COL5A2: variants seen among roughly 807,000 people sequenced by gnomAD.
COL5A2 encodes the protein collagen type V alpha 2 chain, also known as collagen alpha-2(V) chain.
In COL5A2, 23 loss-of-function variants were observed where a neutral mutation model predicts 208.2. The ratio of observed to expected loss-of-function variants is 0.11; its 90% CI spans 0.08 to 0.16. COL5A2 has a LOEUF of 0.16. Among genes scored for constraint, COL5A2 ranks in the 10% least tolerant of loss-of-function variants. COL5A2 has a pLI of 1.00. For synonymous variants in COL5A2, 625 were observed against 628.5 expected (o/e 0.99, Z 0.08); for missense variants, 1,590 against 1,956.4 (o/e 0.81, Z 3.53).
At chr2:189,435,268 A>G in the COL5A2 span, among the ~76,000 whole-genome samples, 3 of 152,230 alleles carry the variant, frequency 2.0e-5, no homozygotes, top group African/African-American at 7.2e-5. Flanking sequence ...AGGCATGGGC[A>G]AGGACTTCAT....
At chr2:189,364,420 C>T in the COL5A2 span, among the ~76,000 whole-genome samples, 2 of 152,154 alleles carry the variant, frequency 1.3e-5, no homozygotes, top group Admixed American at 6.6e-5. Flanking sequence ...GGCCCGGTGG[C>T]TCACGCCTCT....
At chr2:189,078,711 A>G (rs1686468309) in intron 15 of COL5A2, 142 bp from the exon 16 acceptor site, 1 of 801,396 alleles carries the variant, frequency 1.2e-6, no homozygotes, top group Non-Finnish European at 2.3e-6. Context: ...TTGGGTTTGA[A>G]AAACTATCCC....
upstream of COL5A2, among the ~76,000 whole-genome samples, chr2:189,184,620 G>A (rs185729150): frequency 1.8e-4 from 28 of 152,180 alleles, no homozygotes; most frequent in Non-Finnish European, 4.1e-4. Context: ...ACATGTCTTC[G>A]TTGTCACATT....
chr2:189,135,669 C>A (rs1159594512), intron 1 of COL5A2, among the ~76,000 whole-genome samples: 1 of 152,072 alleles, frequency 6.6e-6, no homozygotes, highest in Non-Finnish European at 1.5e-5. Flanking sequence ...TGAAAAAGAA[C>A]ACATATTTTA....
At chr2:189,274,650 A>G in the COL5A2 span, among the ~76,000 whole-genome samples, 1 of 152,156 alleles carries the variant, frequency 6.6e-6, no homozygotes, top group Non-Finnish European at 1.5e-5. Context: ...ATAAGCAAAT[A>G]ATTTTCTTGA....
At chr2:189,312,374 C>G in the COL5A2 span, among the ~76,000 whole-genome samples, 1 of 152,134 alleles carries the variant, frequency 6.6e-6, no homozygotes, top group Non-Finnish European at 1.5e-5. Context: ...CCACGCCGCC[C>G]CAGAAGCTGG....
chr2:189,258,808 A>ATGG, the COL5A2 span, among the ~76,000 whole-genome samples: 1 of 152,186 alleles, frequency 6.6e-6, no homozygotes, highest in African/African-American at 2.4e-5. Context: ...TGAGAAGAAC[A>ATGG]TGGGGCCAGG....
At chr2:189,374,454 A>G in the COL5A2 span, among the ~76,000 whole-genome samples, 1 of 152,116 alleles carries the variant, frequency 6.6e-6, no homozygotes, top group Non-Finnish European at 1.5e-5. Context: ...TTCACTTATC[A>G]TACTTAAAGA....
chr2:189,199,514 CA>C (rs1689045645), intron 1 of COL5A2, among the ~76,000 whole-genome samples: 1 of 152,124 alleles, frequency 6.6e-6, no homozygotes, highest in South Asian at 2.1e-4. Context: ...TGGTCACACC[CA>C]CTACAAGCAA....
intron 3 of COL5A2, among the ~76,000 whole-genome samples, chr2:189,102,483 G>A (rs1387750113): frequency 6.6e-6 from 1 of 151,878 alleles, no homozygotes; most frequent in Non-Finnish European, 1.5e-5. Flanking sequence ...ATTAATATAG[G>A]CTTTGAATAA....
chr2:189,067,956 C>A, intron 21 of COL5A2, 59 bp downstream of exon 21: 1 of 1,338,358 alleles, frequency 7.5e-7, no homozygotes, highest in Non-Finnish European at 1.1e-6. Flanking sequence ...CATGTTATTA[C>A]TCTTGGCCCT....
chr2:189,061,425 T>C, intron 30 of COL5A2, 137 bp downstream of exon 30: 1 of 699,650 alleles, frequency 1.4e-6, no homozygotes, highest in Non-Finnish European at 2.5e-6. Context: ...TATCCAAATG[T>C]CTATACTATC....
At position 189,171,954 on chromosome 2, in the gene COL5A2, T is replaced by C. The variant is rs1411109715; in HGVS notation, c.97+7554A>G. On this transcript the variant is annotated intron_variant, in intron 1 of 53. Transcript: ENST00000374866. ...AGGTGGAGGAAGAACCTTCAGAGAG[T>C]AGCATTTTAGGAAAGCTGGAGTGGT... Among the ~76,000 whole-genome samples, 4 of 152,020 alleles carry C rather than the reference T, an allele frequency of 2.6e-5. No individual in the cohort carries two copies. The East Asian group carries it at 7.7e-4, about 29-fold the overall frequency.
chr2:189,368,231 T>C, the COL5A2 span, among the ~76,000 whole-genome samples: 5 of 152,246 alleles, frequency 3.3e-5, no homozygotes, highest in South Asian at 2.1e-4. Flanking sequence ...AACTGTGTTA[T>C]TGTATTTGCA....
At chr2:189,435,924 A>G in the COL5A2 span, among the ~76,000 whole-genome samples, 4 of 152,236 alleles carry the variant, frequency 2.6e-5, no homozygotes, top group African/African-American at 9.6e-5. Flanking sequence ...ACTTGGAACC[A>G]GCCCAAATGT....
At chr2:189,270,079 T>A in the COL5A2 span, among the ~76,000 whole-genome samples, 1 of 152,196 alleles carries the variant, frequency 6.6e-6, no homozygotes. Context: ...TCAGTGGTGA[T>A]ATTCCCTTTA....
the COL5A2 span, among the ~76,000 whole-genome samples, chr2:189,298,268 C>T: frequency 6.6e-6 from 1 of 152,200 alleles, no homozygotes; most frequent in Non-Finnish European, 1.5e-5. Flanking sequence ...TCTGGCTGGA[C>T]ATTGATGCCT....
chr2:189,414,901 G>A, the COL5A2 span, among the ~76,000 whole-genome samples: 5 of 151,896 alleles, frequency 3.3e-5, no homozygotes. Flanking sequence ...AAATTCATAG[G>A]CAGCGCTTCC....
At chr2:189,395,555 T>C in the COL5A2 span, among the ~76,000 whole-genome samples, 3 of 152,144 alleles carry the variant, frequency 2.0e-5, no homozygotes, top group African/African-American at 7.2e-5. Context: ...TATAGCTCAC[T>C]GTTTACATTT....
Sources: allele counts gnomAD v4.1 joint callset (sites outside exome capture counted in the v4.1 genomes callset), GRCh38; gene constraint gnomAD v4.1.1; transcripts MANE v1.5; gene names NCBI Gene and HGNC (gene_info 2026-07-23, HGNC 2026-07-21).